KCNJ6: variants seen among roughly 807,000 people sequenced by gnomAD.
The protein encoded by KCNJ6 is potassium inwardly rectifying channel subfamily J member 6.
In KCNJ6, 9 loss-of-function variants were observed where a neutral mutation model predicts 34.2. The observed-to-expected ratio is 0.26, with a 90% confidence interval of 0.16 to 0.46. The LOEUF is 0.46. Among genes scored for constraint, KCNJ6 ranks in the 20% least tolerant of loss-of-function variants. KCNJ6 has a pLI of 1.00. For synonymous variants in KCNJ6, 196 were observed against 207.1 expected, an observed-to-expected ratio of 0.95 and a Z score of 0.46; for missense variants, 236 against 531.3, an observed-to-expected ratio of 0.44 and a Z score of 5.46.
intron 1 of KCNJ6, among the ~76,000 whole-genome samples, chr21:37,907,356 G>T (rs192280952): frequency 1.3e-3 from 199 of 151,624 alleles, no homozygotes; most frequent in African/African-American, 4.6e-3. Flanking sequence ...TTTTTATAGA[G>T]AAATGATGGC....
chr21:37,740,187 C>A (rs1473650600), intron 2 of KCNJ6, among the ~76,000 whole-genome samples: 1 of 152,216 alleles, frequency 6.6e-6, no homozygotes, highest in Non-Finnish European at 1.5e-5. Context: ...GGACTTCTTC[C>A]TTGGCCAGGG....
At position 37,617,763 on chromosome 21, in the gene KCNJ6, CA is replaced by C. The variant is rs1237577213; in HGVS notation, c.*7395del. ...ACTGAGATCATCACCATGAGAAAAT[CA>C]GAACTTTTGGGGATTTCCTTACCCT... On this transcript the variant is annotated 3_prime_UTR_variant, in exon 4 of 4. Coordinates refer to ENST00000609713, the MANE Select transcript of KCNJ6 (RefSeq NM_002240.5). 2.6e-5 allele frequency: 4 copies of C among 152,246 alleles called. No homozygotes were observed. Among genetic ancestry groups the C allele is most frequent in the African/African-American group, 4.8e-5 (2 of 41,466 alleles). The allele number at this position is 152,246 out of a possible 1,614,324, so 9.4% of individuals were successfully genotyped here.
chr21:37,756,411 C>T (rs1416800144), intron 2 of KCNJ6, among the ~76,000 whole-genome samples: 1 of 152,160 alleles, frequency 6.6e-6, no homozygotes, highest in African/African-American at 2.4e-5. Context: ...GGCGTGGGGG[C>T]CTGGGAGAAG....
intron 2 of KCNJ6, among the ~76,000 whole-genome samples, chr21:37,832,790 G>A (rs2123568636): frequency 6.6e-6 from 1 of 152,212 alleles, no homozygotes; most frequent in African/African-American, 2.4e-5. Context: ...GAGGTCGGTG[G>A]GAAGAGAGAA....
chr21:37,716,431 G>C (rs1487240252), intron 2 of KCNJ6, among the ~76,000 whole-genome samples: 1 of 149,776 alleles, frequency 6.7e-6, no homozygotes, highest in Non-Finnish European at 1.5e-5. Context: ...CCAGGCTAGA[G>C]TATAGTGGCA....
At chr21:37,837,844 A>G (rs2055459746) in intron 2 of KCNJ6, among the ~76,000 whole-genome samples, 1 of 151,940 alleles carries the variant, frequency 6.6e-6, no homozygotes, top group South Asian at 2.1e-4. Context: ...ATTTCATTGT[A>G]GATTTCTATG....
intron 2 of KCNJ6, among the ~76,000 whole-genome samples, chr21:37,748,431 G>C (rs968032911): frequency 1.3e-5 from 2 of 152,212 alleles, no homozygotes; most frequent in Non-Finnish European, 2.9e-5. Flanking sequence ...TGGGATCCAT[G>C]GTTCGTGGAT....
At chr21:37,848,793 G>A (rs2055523029) in intron 1 of KCNJ6, among the ~76,000 whole-genome samples, 2 of 152,198 alleles carry the variant, frequency 1.3e-5, no homozygotes, top group Admixed American at 1.3e-4. Flanking sequence ...GGGTAGCAGA[G>A]ATAAGAGTAA....
intron 3 of KCNJ6, among the ~76,000 whole-genome samples, chr21:37,704,645 T>C (rs2054709445): frequency 7.2e-6 from 1 of 138,288 alleles, no homozygotes; most frequent in Admixed American, 7.8e-5. Flanking sequence ...TAGGATGGCC[T>C]CAGTATGAGT....
intron 2 of KCNJ6, among the ~76,000 whole-genome samples, chr21:37,826,267 G>A (rs2055398618): frequency 6.6e-6 from 1 of 152,178 alleles, no homozygotes; most frequent in South Asian, 2.1e-4. Context: ...TCCCTTGATT[G>A]ATTGTGTTGT....
intron 1 of KCNJ6, among the ~76,000 whole-genome samples, chr21:37,863,818 T>C (rs2055606531): frequency 6.7e-6 from 1 of 148,514 alleles, no homozygotes; most frequent in South Asian, 2.1e-4. Flanking sequence ...GCTTACATTG[T>C]CTCTTTAAGC....
At chr21:37,813,378 A>T (rs539795251) in intron 2 of KCNJ6, among the ~76,000 whole-genome samples, 9 of 152,328 alleles carry the variant, frequency 5.9e-5, no homozygotes, top group Admixed American at 3.9e-4. Flanking sequence ...AATACCAATG[A>T]CATTCTTCAC....
chr21:37,629,181 G>A (rs1177730770), intron 3 of KCNJ6, among the ~76,000 whole-genome samples: 1 of 152,028 alleles, frequency 6.6e-6, no homozygotes, highest in Non-Finnish European at 1.5e-5. Flanking sequence ...TAACTACATA[G>A]GTAAATATAA....
intron 1 of KCNJ6, among the ~76,000 whole-genome samples, chr21:37,881,922 AC>A (rs1217228507): frequency 6.6e-6 from 1 of 152,144 alleles, no homozygotes; most frequent in Non-Finnish European, 1.5e-5. Flanking sequence ...CAGTGCTAAG[AC>A]CAACAGGAGG....
chr21:37,614,416 CTG>C lies in KCNJ6; in HGVS notation c.*10741_*10742del, dbSNP rs1292361704. The C allele has an allele frequency of 1.6e-4, 14 of 87,674 alleles. No individual in the cohort carries two copies. The highest frequency in any genetic ancestry group is 3.8e-4 in the African/African-American group (10 of 26,448). 5.4% of individuals were successfully genotyped at this position (87,674 alleles called of 1,614,324 possible). A position where few individuals can be genotyped will look rare whatever the true frequency, so the allele number is the denominator to read the frequency against. On this transcript the variant is annotated 3_prime_UTR_variant, in exon 4 of 4. Coordinates refer to ENST00000609713, the MANE Select transcript of KCNJ6 (RefSeq NM_002240.5). ...TGTGTGCGTATGCATGTGTCTGTGT[CTG>C]TGTGAGTATGCGTGTATCTCTGTGT... is the stretch of plus-strand genomic sequence containing the variant.
chr21:37,893,067 G>T (rs1175482995), intron 1 of KCNJ6, among the ~76,000 whole-genome samples: 3 of 151,834 alleles, frequency 2.0e-5, no homozygotes, highest in Non-Finnish European at 2.9e-5. Context: ...TGTTAGCCAG[G>T]ATGGTCTCGA....
At chr21:37,633,633 A>G (rs762793060) in intron 3 of KCNJ6, among the ~76,000 whole-genome samples, 2 of 152,204 alleles carry the variant, frequency 1.3e-5, no homozygotes, top group Non-Finnish European at 2.9e-5. Flanking sequence ...TTAAAAATCT[A>G]TGCAGAAAAC....
chr21:37,785,763 A>G (rs1239567448), intron 2 of KCNJ6, among the ~76,000 whole-genome samples: 1 of 152,266 alleles, frequency 6.6e-6, no homozygotes, highest in Non-Finnish European at 1.5e-5. Context: ...CAATTCGCAC[A>G]TTGAAATCGT....
intron 3 of KCNJ6, among the ~76,000 whole-genome samples, chr21:37,678,884 T>C (rs144957325): frequency 2.6e-5 from 4 of 152,326 alleles, no homozygotes; most frequent in Non-Finnish European, 5.9e-5. Context: ...AAATATTTGA[T>C]GCTCCCTCTT....
Sources: gnomAD v4.1 joint callset for allele counts (sites outside exome capture counted in the v4.1 genomes callset) on GRCh38, gnomAD v4.1.1 for gene constraint, MANE v1.5 for transcripts, NCBI Gene and HGNC (gene_info 2026-07-23, HGNC 2026-07-21) for gene names.